Variants in KCNQ5 observed in about 807,000 individuals in gnomAD.
KCNQ5 encodes potassium voltage-gated channel subfamily KQT member 5.
KCNQ5 carries 30 observed loss-of-function variants against 98.2 expected under a neutral mutation model. The observed-to-expected ratio is 0.31, with a 90% CI of 0.23 to 0.41. The LOEUF is 0.41. Ranked by LOEUF, KCNQ5 falls within the 10% of genes least tolerant of loss-of-function variation. KCNQ5 has a pLI of 1.00. For synonymous variants in KCNQ5, 458 were observed against 449.4 expected, an observed-to-expected ratio of 1.02 and a Z score of -0.24; for missense variants, 835 against 1,182.5, an observed-to-expected ratio of 0.71 and a Z score of 4.31.
chr6:72,716,173 A>G (rs1020714081), intron 1 of KCNQ5, among the ~76,000 whole-genome samples: 9 of 152,228 alleles, frequency 5.9e-5, no homozygotes. Flanking sequence ...CCCCCAAAAT[A>G]AAATTTGTCC....
intron 1 of KCNQ5, among the ~76,000 whole-genome samples, chr6:72,734,373 G>A (rs1432594004): frequency 6.6e-6 from 1 of 152,146 alleles, no homozygotes; most frequent in Admixed American, 6.5e-5. Context: ...CCAGGCTGGA[G>A]TGCAGTGGTA....
intron 1 of KCNQ5, among the ~76,000 whole-genome samples, chr6:72,700,818 G>A (rs1768768646): frequency 6.6e-6 from 1 of 152,154 alleles, no homozygotes; most frequent in Admixed American, 6.5e-5. Flanking sequence ...TGGAGGCCAG[G>A]TGACAGGCCC....
chr6:72,994,203 C>T (rs761566155), intron 1 of KCNQ5, among the ~76,000 whole-genome samples: 1 of 85,850 alleles, frequency 1.2e-5, no homozygotes, highest in Non-Finnish European at 2.2e-5. Flanking sequence ...TCGAGCTGCC[C>T]GGCTGCTTTG....
chr6:72,828,525 GTTCA>G (rs372007858), intron 1 of KCNQ5, among the ~76,000 whole-genome samples: 1,870 of 151,706 alleles, frequency 0.012, 22 homozygotes, highest in Non-Finnish European at 0.022. Flanking sequence ...CTTTTTGTTA[GTTCA>G]TTCATGTACA....
At chr6:72,913,796 A>G (rs1780032904) in intron 1 of KCNQ5, among the ~76,000 whole-genome samples, 1 of 152,212 alleles carries the variant, frequency 6.6e-6, no homozygotes, top group African/African-American at 2.4e-5. Flanking sequence ...AGTTTTCATG[A>G]CATGAGAGCC....
chr6:73,131,048 GTGCTTTAAATGATACT>G (rs1326678981), intron 9 of KCNQ5, among the ~76,000 whole-genome samples: 4 of 152,044 alleles, frequency 2.6e-5, no homozygotes, highest in African/African-American at 9.7e-5. Flanking sequence ...TCAACTTTAA[GTGCTTTAAATGATACT>G]AAGATTTAGA....
chr6:72,905,001 A>T (rs1382490530), intron 1 of KCNQ5, among the ~76,000 whole-genome samples: 1 of 152,066 alleles, frequency 6.6e-6, no homozygotes, highest in African/African-American at 2.4e-5. Flanking sequence ...CTCCCTCAGG[A>T]ATGCTAATTA....
chr6:72,934,510 AT>A (rs1179563690), intron 1 of KCNQ5, among the ~76,000 whole-genome samples: 1 of 152,318 alleles, frequency 6.6e-6, no homozygotes, highest in Middle Eastern at 3.4e-3. Context: ...CAATTAGTAA[AT>A]TATATAGATC....
At chr6:72,759,872 A>C (rs889823301) in intron 1 of KCNQ5, among the ~76,000 whole-genome samples, 2 of 152,142 alleles carry the variant, frequency 1.3e-5, no homozygotes, top group Middle Eastern at 3.2e-3. Flanking sequence ...GCACACACAC[A>C]CATTCACACA....
intron 1 of KCNQ5, among the ~76,000 whole-genome samples, chr6:72,709,626 C>G (rs550760030): frequency 1.3e-5 from 2 of 152,168 alleles, no homozygotes; most frequent in African/African-American, 4.8e-5. Flanking sequence ...ACTTTCACTA[C>G]TTTTGCTTTA....
At chr6:72,775,620 C>T (rs1019466622) in intron 1 of KCNQ5, among the ~76,000 whole-genome samples, 5 of 152,076 alleles carry the variant, frequency 3.3e-5, no homozygotes, top group Non-Finnish European at 7.4e-5. Flanking sequence ...CAAACGTTAC[C>T]TCAGCCAGGT....
At chr6:73,048,247 A>G (rs1158367662) in intron 3 of KCNQ5, among the ~76,000 whole-genome samples, 1 of 152,198 alleles carries the variant, frequency 6.6e-6, no homozygotes, top group Non-Finnish European at 1.5e-5. Context: ...ACTTGAGTTG[A>G]CCTGAATATT....
At chr6:72,746,319 C>T (rs1321362325) in intron 1 of KCNQ5, among the ~76,000 whole-genome samples, 3 of 152,134 alleles carry the variant, frequency 2.0e-5, no homozygotes, top group Non-Finnish European at 4.4e-5. Flanking sequence ...ATTTAAAAGT[C>T]TGCATTATTG....
intron 1 of KCNQ5, among the ~76,000 whole-genome samples, chr6:72,955,972 C>T (rs1767023932): frequency 6.6e-6 from 1 of 151,962 alleles, no homozygotes; most frequent in Admixed American, 6.6e-5. Flanking sequence ...CAAAATAAGG[C>T]CAACCTTAAA....
chr6:72,799,040 A>G (rs1439151415), intron 1 of KCNQ5, among the ~76,000 whole-genome samples: 3 of 152,148 alleles, frequency 2.0e-5, no homozygotes, highest in Non-Finnish European at 2.9e-5. Flanking sequence ...TGTATCAGCC[A>G]GGGTTCTCCA....
intron 1 of KCNQ5, among the ~76,000 whole-genome samples, chr6:72,862,814 GA>G (rs1268690038): frequency 6.6e-6 from 1 of 151,902 alleles, no homozygotes; most frequent in Non-Finnish European, 1.5e-5. Flanking sequence ...TTTTTGTACA[GA>G]TGAAGTCTCA....
intron 10 of KCNQ5, among the ~76,000 whole-genome samples, chr6:73,156,004 T>G (rs140133471): frequency 1.7e-4 from 26 of 152,250 alleles, no homozygotes; most frequent in Admixed American, 5.2e-4. Context: ...CTTAGTGAAA[T>G]GAAATTGTGC....
intron 1 of KCNQ5, among the ~76,000 whole-genome samples, chr6:72,938,629 C>T (rs1051842451): frequency 2.0e-5 from 3 of 152,140 alleles, no homozygotes; most frequent in Admixed American, 1.3e-4. Flanking sequence ...AAGCAATCTC[C>T]CTGCCTTGGC....
chr6:73,178,020 T>C (rs1046276653), intron 11 of KCNQ5, among the ~76,000 whole-genome samples: 1 of 152,204 alleles, frequency 6.6e-6, no homozygotes, highest in Non-Finnish European at 1.5e-5. Flanking sequence ...GCTAAAAATA[T>C]AGAATCTCCT....
Sources: allele counts gnomAD v4.1 joint callset (sites outside exome capture counted in the v4.1 genomes callset), GRCh38; gene constraint gnomAD v4.1.1; transcripts MANE v1.5; gene names NCBI Gene and HGNC (gene_info 2026-07-23, HGNC 2026-07-21).